SLC25A15: variants seen among roughly 807,000 people sequenced by gnomAD.
SLC25A15 encodes mitochondrial ornithine transporter 1.
SLC25A15 carries 24 observed loss-of-function variants against 32.3 expected under a neutral mutation model. The ratio of observed to expected loss-of-function variants is 0.74; its 90% CI spans 0.54 to 1.04. The LOEUF (loss-of-function observed/expected upper bound fraction) is 1.04. Among genes scored for constraint, SLC25A15 ranks in the 50% least tolerant of loss-of-function variants. SLC25A15 has a pLI of 0.00. For missense variants in SLC25A15, 317 were observed against 374.5 expected, an observed-to-expected ratio of 0.85 and a Z score of 1.27; for synonymous variants, 132 against 142.1, an observed-to-expected ratio of 0.93 and a Z score of 0.51.
At chr13:40,805,276 A>G in intron 4 of SLC25A15, 21 bp downstream of exon 4, 1 of 1,614,004 alleles carries the variant, frequency 6.2e-7, no homozygotes, top group South Asian at 1.1e-5. Flanking sequence ...CTTGGGCACA[A>G]ACGTCAGGTC....
intron 1 of SLC25A15, among the ~76,000 whole-genome samples, 154 bp from the exon 2 acceptor site, chr13:40,793,004 C>T (rs1235748515): frequency 6.6e-6 from 1 of 152,204 alleles, no homozygotes; most frequent in Admixed American, 6.5e-5. Flanking sequence ...GAGGCAGTTG[C>T]TAAGCTGCAC....
chr13:40,811,308 G>A lies in SLC25A15; in HGVS notation c.*1641G>A, dbSNP rs149457069. 6.6e-6 allele frequency among the ~76,000 whole-genome samples: 1 copy of A among 152,062 alleles called. No homozygotes were observed. The highest frequency in any genetic ancestry group is 2.1e-4 in the South Asian group (1 of 4,824). Reference sequence around the variant, plus strand: ...GTTCGAGAACAGCCTGACCAACATGGTGAAACCCCATCTCTACTAAAAATA... The same window carrying A: ...GTTCGAGAACAGCCTGACCAACATGATGAAACCCCATCTCTACTAAAAATA... On this transcript the variant is annotated 3_prime_UTR_variant, in exon 7 of 7. Transcript: ENST00000338625.
intron 6 of SLC25A15, among the ~76,000 whole-genome samples, chr13:40,808,828 G>A (rs1882310681): frequency 6.8e-6 from 1 of 147,918 alleles, no homozygotes; most frequent in Admixed American, 6.7e-5. Context: ...CCAGCTACTC[G>A]GGAGGCTGAG....
rs1881775884 is a variant in SLC25A15, at chr13:40,799,127, C to T, written c.126C>T (p.Asp42=). Residue 42 remains aspartate, a synonymous_variant, in exon 3 of 7, where the codon GAC becomes GAT. Coordinates refer to ENST00000338625, the MANE Select transcript of SLC25A15 (RefSeq NM_014252.4). ...TMKVKMQTFP[D]LYRGLTDCCL... ...AAGTGAAGATGCAGACGTTCCCTGA[C>T]CTGTACCGGGGCCTCACCGACTGCT... 2.5e-6 allele frequency: 4 copies of T among 1,614,170 alleles called. No individual in the cohort carries two copies. The highest frequency in any genetic ancestry group is 3.4e-6 in the Non-Finnish European group (4 of 1,180,022).
At chr13:40,797,082 TG>T (rs1357511012) in intron 2 of SLC25A15, among the ~76,000 whole-genome samples, 1 of 152,196 alleles carries the variant, frequency 6.6e-6, no homozygotes, top group Non-Finnish European at 1.5e-5. Context: ...TGGTTGGTAC[TG>T]GTGTTCAGAA....
intron 3 of SLC25A15, chr13:40,802,131 A>G (rs1393746569): frequency 2.0e-5 from 3 of 152,252 alleles, no homozygotes; most frequent in Admixed American, 6.5e-5. Context: ...TTGCCTGTCA[A>G]CAGGTTAACA....
At chr13:40,805,311 AT>A in intron 4 of SLC25A15, 56 bp downstream of exon 4, 1 of 1,603,524 alleles carries the variant, frequency 6.2e-7, no homozygotes, top group Non-Finnish European at 8.5e-7. Flanking sequence ...GTATTGGATG[AT>A]TTTTCATTTT....
rs1279446692 is a variant in SLC25A15, at chr13:40,793,258, T to C, written c.32T>C (p.Ile11Thr). The change falls in exon 2 of 7, where the codon ATT (isoleucine) becomes ACT (threonine). Residue 11 changes from isoleucine to threonine, a missense_variant. Ile to Thr is a moderately conservative substitution (Grantham distance 89). Coordinates refer to ENST00000338625, the MANE Select transcript of SLC25A15 (RefSeq NM_014252.4). Reference sequence around the variant, plus strand: ...TCCAATCCTGCTATCCAGGCTGCCATTGACCTCACAGCGGGGGCTGCAGGT... The same window carrying C: ...TCCAATCCTGCTATCCAGGCTGCCACTGACCTCACAGCGGGGGCTGCAGGT... MKSNPAIQAA[I>T]DLTAGAAGGT... 1 of 1,614,090 alleles carries C rather than the reference T, an allele frequency of 6.2e-7. No homozygotes were observed.
intron 3 of SLC25A15, among the ~76,000 whole-genome samples, chr13:40,803,917 A>C (rs1882016223): frequency 6.6e-6 from 1 of 152,206 alleles, no homozygotes; most frequent in Non-Finnish European, 1.5e-5. Context: ...CTGAAGTATT[A>C]ATAGTGCATG....
Position 40,809,711 on chromosome 13 carries a change from A to G in SLC25A15, c.*44A>G. ...AGCCAAGCACAGGTGTTTGAGGACT[A>G]CAGTTCATCTCAGGGTTTCTTGGAG... On this transcript the variant is annotated 3_prime_UTR_variant, in exon 7 of 7. Transcript: ENST00000338625. The G allele has an allele frequency of 2.5e-6, 4 of 1,606,246 alleles. No homozygotes were observed. The highest frequency in any genetic ancestry group is 3.4e-6 in the Non-Finnish European group (4 of 1,174,712).
intron 2 of SLC25A15, chr13:40,798,643 A>C: frequency 4.9e-6 from 2 of 407,946 alleles, no homozygotes; most frequent in Non-Finnish European, 6.6e-6. Flanking sequence ...TGCTGTGCCA[A>C]GCCTGTCTCC....
At chr13:40,802,946 GAGA>G (rs1881956576) in intron 3 of SLC25A15, among the ~76,000 whole-genome samples, 1 of 152,168 alleles carries the variant, frequency 6.6e-6, no homozygotes, top group Non-Finnish European at 1.5e-5. Flanking sequence ...GTTAGCTGAG[GAGA>G]TTCCCACCCA....
At chr13:40,791,329 A>G (rs1399919392) in intron 1 of SLC25A15, among the ~76,000 whole-genome samples, 1 of 139,092 alleles carries the variant, frequency 7.2e-6, no homozygotes. Flanking sequence ...TTATTTATTT[A>G]TTTATTTTAT....
Position 40,810,077 on chromosome 13 carries a change from C to T in SLC25A15, c.*410C>T, listed in dbSNP as rs1017455418. On this transcript the variant is annotated 3_prime_UTR_variant, in exon 7 of 7. Transcript: ENST00000338625. ...CAGAAAAACCCAGAGGTGATCATTT[C>T]TCATGAAGATGCTTATAAATGGTTG... 4.0e-6 allele frequency: 1 copy of T among 249,246 alleles called. No homozygotes were observed. The highest frequency in any genetic ancestry group is 2.3e-5 in the African/African-American group (1 of 44,170). The allele number at this position is 249,246 out of a possible 1,614,324, so 15.4% of individuals were successfully genotyped here.
chr13:40,794,789 C>T (rs750686109), intron 2 of SLC25A15, among the ~76,000 whole-genome samples: 1 of 151,966 alleles, frequency 6.6e-6, no homozygotes, highest in Non-Finnish European at 1.5e-5. Flanking sequence ...ATCCAGCACA[C>T]CCCCCACCCC....
In SLC25A15 at chr13:40,810,272, C is replaced by T. The variant is rs1882392170; in HGVS notation, c.*605C>T. Reference sequence around the variant, plus strand: ...CTCCTGGGTTCAAGCGATTCTCTCACCTCAGCCTCCTGAGTAGCTGGGATT... The same window carrying T: ...CTCCTGGGTTCAAGCGATTCTCTCATCTCAGCCTCCTGAGTAGCTGGGATT... On this transcript the variant is annotated 3_prime_UTR_variant, in exon 7 of 7. Coordinates refer to ENST00000338625, the MANE Select transcript of SLC25A15 (RefSeq NM_014252.4). Among the ~76,000 whole-genome samples, 1 of 152,194 alleles carries T rather than the reference C, an allele frequency of 6.6e-6. No homozygotes were observed. Among genetic ancestry groups the T allele is most frequent in the African/African-American group, 2.4e-5 (1 of 41,452 alleles).
rs755209386 is a variant in SLC25A15 at position 40,799,224 on chromosome 13, A to G, written c.223A>G (p.Ile75Val). The G allele has an allele frequency of 1.9e-6, 3 of 1,614,112 alleles. No individual in the cohort carries two copies. Among genetic ancestry groups the G allele is most frequent in the Non-Finnish European group, 2.5e-6 (3 of 1,180,046 alleles). Reference protein sequence around the residue: ...KGTSPALIANIAENSVLFMCY... With the variant: ...KGTSPALIANVAENSVLFMCY... ...TACCAGTCCAGCACTAATCGCCAAC[A>G]TCGCTGAGAACTCAGTCCTCTTCAT... The change falls in exon 3 of 7, where the codon ATC (isoleucine) becomes GTC (valine). Residue 75 changes from isoleucine (I) to valine (V), a missense_variant. By Grantham distance (29) the Ile-to-Val change is conservative. Coordinates refer to ENST00000338625, the MANE Select transcript of SLC25A15 (RefSeq NM_014252.4).
chr13:40,793,705 T>C (rs1881583893), intron 2 of SLC25A15, among the ~76,000 whole-genome samples: 1 of 152,274 alleles, frequency 6.6e-6, no homozygotes, highest in Admixed American at 6.5e-5. Context: ...ATGAAAATAC[T>C]ACCTTTCTCC....
chr13:40,800,757 A>G (rs1187413791), intron 3 of SLC25A15, among the ~76,000 whole-genome samples: 1 of 152,124 alleles, frequency 6.6e-6, no homozygotes, highest in African/African-American at 2.4e-5. Flanking sequence ...GTAAGAGCAT[A>G]TTGCTTTTCT....
Sources: gnomAD v4.1 joint callset for allele counts (sites outside exome capture counted in the v4.1 genomes callset) on GRCh38, gnomAD v4.1.1 for gene constraint, MANE v1.5 for transcripts, NCBI Gene and HGNC (gene_info 2026-07-23, HGNC 2026-07-21) for gene names.